Variants in LAMA2 observed in about 807,000 individuals in gnomAD.
LAMA2 encodes laminin subunit alpha-2.
Under a neutral mutation model 364.8 loss-of-function variants are expected in LAMA2, and 269 were observed. The observed-to-expected ratio is 0.74, with a 90% CI of 0.67 to 0.82. The LOEUF is 0.82. LAMA2 is among the 40% of genes least tolerant of loss of function. The probability of loss-of-function intolerance (pLI) is 0.00; values close to 1 mark genes in which losing one functional copy is unlikely to be tolerated. For missense variants in LAMA2, 3,807 were observed against 3,873.2 expected, an observed-to-expected ratio of 0.98 and a Z score of 0.45; for synonymous variants, 1,379 against 1,370.6, an observed-to-expected ratio of 1.01 and a Z score of -0.14.
At chr6:129,021,331 C>A (rs906456246) in intron 1 of LAMA2, among the ~76,000 whole-genome samples, 8 of 152,096 alleles carry the variant, frequency 5.3e-5, no homozygotes, top group Non-Finnish European at 1.2e-4. Context: ...TTTCTTTATA[C>A]AAAAGTTAAA....
At chr6:129,355,158 GCA>G (rs1471335725) in intron 32 of LAMA2, among the ~76,000 whole-genome samples, 3 of 152,098 alleles carry the variant, frequency 2.0e-5, no homozygotes, top group African/African-American at 7.2e-5. Flanking sequence ...TTTTGCTAAA[GCA>G]CAGTTAATTA....
At chr6:129,467,930 T>C (rs934674758) in intron 51 of LAMA2, among the ~76,000 whole-genome samples, 2 of 151,904 alleles carry the variant, frequency 1.3e-5, no homozygotes, top group African/African-American at 4.8e-5. Context: ...CTGTTACTAC[T>C]CTGTGGTCCA....
At chr6:129,205,250 G>A (rs1467319620) in intron 12 of LAMA2, among the ~76,000 whole-genome samples, 2 of 151,734 alleles carry the variant, frequency 1.3e-5, no homozygotes, top group Admixed American at 1.3e-4. Flanking sequence ...AAATTAGCTG[G>A]ACCTAGTGGC....
Position 129,155,431 on chromosome 6 carries a change from G to C in LAMA2, c.1206+748G>C, listed in dbSNP as rs115020062. Among the ~76,000 whole-genome samples the C allele has an allele frequency of 6.1e-3, 934 of 152,152 alleles. 9 individuals are homozygous for C. The highest frequency in any genetic ancestry group is 0.021 in the African/African-American group (876 of 41,544). On this transcript the variant is annotated intron_variant, in intron 8 of 64. Coordinates refer to ENST00000421865, the MANE Select transcript of LAMA2 (RefSeq NM_000426.4). The stretch of plus-strand genomic sequence containing the variant: ...TATCTTTTTGGATTTTAGTCATCTA[G>C]TGGGTGTGAAATGGCATCTGATTAT...
chr6:129,020,077 A>G (rs1277500376), intron 1 of LAMA2, among the ~76,000 whole-genome samples: 1 of 145,856 alleles, frequency 6.9e-6, no homozygotes, highest in Non-Finnish European at 1.5e-5. Context: ...CAAGAGCAAG[A>G]CTCCATCTCA....
At chr6:129,004,910 A>G (rs1174049942) in intron 1 of LAMA2, among the ~76,000 whole-genome samples, 1 of 152,072 alleles carries the variant, frequency 6.6e-6, no homozygotes, top group Non-Finnish European at 1.5e-5. Flanking sequence ...TGTTGACACT[A>G]TTTCATCTTG....
intron 2 of LAMA2, among the ~76,000 whole-genome samples, chr6:129,056,901 T>A (rs1788527365): frequency 6.6e-6 from 1 of 151,432 alleles, no homozygotes; most frequent in Non-Finnish European, 1.5e-5. Context: ...TGTGCTATTT[T>A]TTTTTTTTTT....
chr6:129,158,026 T>C, intron 8 of LAMA2: 1 of 1,613,192 alleles, frequency 6.2e-7, no homozygotes, highest in Non-Finnish European at 8.5e-7. Flanking sequence ...AGGATGTTTT[T>C]GCTCTTTAGG....
At chr6:129,287,405 C>T (rs1789344245) in intron 18 of LAMA2, among the ~76,000 whole-genome samples, 2 of 152,236 alleles carry the variant, frequency 1.3e-5, no homozygotes, top group African/African-American at 2.4e-5. Context: ...TACTGAATTT[C>T]CTTGCGAGCC....
intron 1 of LAMA2, among the ~76,000 whole-genome samples, chr6:129,037,760 C>T (rs1240060936): frequency 6.6e-6 from 1 of 151,432 alleles, no homozygotes; most frequent in Admixed American, 6.6e-5. Context: ...AGCTCCGCCT[C>T]CCAGGTTCAC....
chr6:129,450,039 C>T (rs561251992), intron 45 of LAMA2, among the ~76,000 whole-genome samples: 1 of 151,998 alleles, frequency 6.6e-6, no homozygotes, highest in South Asian at 2.1e-4. Context: ...CTCTTGACCT[C>T]GTGATCCGCC....
intron 1 of LAMA2, among the ~76,000 whole-genome samples, chr6:128,975,824 TA>T (rs1782496145): frequency 6.6e-6 from 1 of 152,214 alleles, no homozygotes; most frequent in Non-Finnish European, 1.5e-5. Flanking sequence ...GTGAGTCAAT[TA>T]AACCTCTTTC....
chr6:129,231,528 A>G (rs1784668391), intron 12 of LAMA2, among the ~76,000 whole-genome samples: 3 of 152,118 alleles, frequency 2.0e-5, no homozygotes, highest in Admixed American at 1.3e-4. Flanking sequence ...GACTTGGAGA[A>G]TGGAAAAATG....
chr6:129,206,700 C>G (rs987645220), intron 12 of LAMA2, among the ~76,000 whole-genome samples: 1 of 152,186 alleles, frequency 6.6e-6, no homozygotes, highest in Non-Finnish European at 1.5e-5. Flanking sequence ...AGCAGTTGCT[C>G]TCTTTCCTTA....
At chr6:129,155,472 C>T (rs757011662) in intron 8 of LAMA2, among the ~76,000 whole-genome samples, 6 of 151,912 alleles carry the variant, frequency 3.9e-5, no homozygotes, top group South Asian at 2.1e-4. Flanking sequence ...TAATTTTAAT[C>T]GTAAGGGCTT....
chr6:129,325,591 ACTCTCT>A (rs906336324), intron 28 of LAMA2, among the ~76,000 whole-genome samples: 1 of 151,182 alleles, frequency 6.6e-6, no homozygotes, highest in Non-Finnish European at 1.5e-5. Context: ...GTTGTCAAAT[ACTCTCT>A]CTCTCTCTTT....
intron 1 of LAMA2, among the ~76,000 whole-genome samples, chr6:128,917,800 C>T (rs1778437292): frequency 7.4e-6 from 1 of 135,226 alleles, no homozygotes; most frequent in Admixed American, 8.4e-5. Context: ...GTGGCAGGAT[C>T]ATGGCTTATT....
intron 2 of LAMA2, among the ~76,000 whole-genome samples, chr6:129,055,179 A>ATTATTAT (rs1406549600): frequency 7.1e-4 from 86 of 120,686 alleles, no homozygotes; most frequent in African/African-American, 1.2e-3. Context: ...ATTATTATTT[A>ATTATTAT]TTATTATTAT....
chr6:129,459,916 A>G (rs943973387), intron 48 of LAMA2, among the ~76,000 whole-genome samples: 3 of 152,112 alleles, frequency 2.0e-5, no homozygotes, highest in African/African-American at 7.2e-5. Context: ...TAAAGTTAGA[A>G]GCTAGGAAGT....
Sources: gnomAD v4.1 joint callset for allele counts (sites outside exome capture counted in the v4.1 genomes callset) on GRCh38, gnomAD v4.1.1 for gene constraint, MANE v1.5 for transcripts, NCBI Gene and HGNC (gene_info 2026-07-23, HGNC 2026-07-21) for gene names.